The following CPT1C variants were observed in gnomAD, a reference collection of about 807,000 sequenced individuals.
The protein encoded by CPT1C is carnitine palmitoyltransferase 1C, also known as palmitoyl thioesterase CPT1C.
A neutral mutation model predicts 97.3 loss-of-function variants in CPT1C; 61 were observed. That is an observed-to-expected ratio of 0.63 (90% CI 0.51 to 0.78). CPT1C has a LOEUF of 0.78. CPT1C is among the 30% of genes least tolerant of loss of function. The pLI, the probability that CPT1C is intolerant of heterozygous loss-of-function variation, is 0.00. For synonymous variants in CPT1C, 469 were observed against 447.2 expected, an observed-to-expected ratio of 1.05 and a Z score of -0.61; for missense variants, 975 against 1,065.5, an observed-to-expected ratio of 0.92 and a Z score of 1.18.
upstream of CPT1C, chr19:49,691,102 A>G: frequency 6.6e-6 from 1 of 152,118 alleles, no homozygotes; most frequent in Admixed American, 6.6e-5. Context: ...AGGCGGGGAT[A>G]AAACCCGGGA....
chr19:49,702,007 A>AATATATTTATTTATGAATAAAT (rs2083138194), intron 7 of CPT1C, among the ~76,000 whole-genome samples: 1 of 42,218 alleles, frequency 2.4e-5, no homozygotes, highest in South Asian at 7.8e-4. Flanking sequence ...AAATATATTA[A>AATATATTTATTTATGAATAAAT]ATATATTTAT....
rs2123419601 is a variant in CPT1C at position 49,706,162 on chromosome 19, G to A, written c.1160+58G>A. On this transcript the variant is annotated intron_variant, in intron 11 of 19. Coordinates refer to ENST00000598293, the MANE Select transcript of CPT1C (RefSeq NM_001199753.2). The surrounding 1 kb of genome is among the most constrained non-coding windows in gnomAD (Gnocchi z 4.8). ...CAGAGGCCGCCAGTGTCCTGAGACTGTGGAAGGGCAGGGTGGGGCCAGGTG... is the reference window on the plus strand; with the variant it reads ...CAGAGGCCGCCAGTGTCCTGAGACTATGGAAGGGCAGGGTGGGGCCAGGTG... 6.4e-7 allele frequency: 1 copy of A among 1,565,944 alleles called. No individual in the cohort carries two copies. Among genetic ancestry groups the A allele is most frequent in the Admixed American group, 1.9e-5 (1 of 53,568 alleles).
At position 49,697,352 on chromosome 19, in the gene CPT1C, T is replaced by C. The variant is rs2082728584; in HGVS notation, c.168T>C (p.Pro56=). Residue 56 remains proline, a synonymous_variant, in exon 4 of 20, where the codon CCT becomes CCC. Coordinates refer to ENST00000598293, the MANE Select transcript of CPT1C (RefSeq NM_001199753.2). ...FWNDFLTGVF[P]ASPLSWLFLF... Reference sequence around the variant, plus strand: ...ATGACTTTCTCACCGGTGTGTTTCCTGCCAGCCCCCTCAGTTGGCTTTTCC... The same window carrying C: ...ATGACTTTCTCACCGGTGTGTTTCCCGCCAGCCCCCTCAGTTGGCTTTTCC... The C allele has an allele frequency of 1.2e-6, 2 of 1,614,160 alleles. No individual in the cohort carries two copies. The highest frequency in any genetic ancestry group is 2.2e-5 in the East Asian group (1 of 44,860).
Position 49,706,505 on chromosome 19 carries a change from G to A in CPT1C, c.1343+92G>A. On this transcript the variant is annotated intron_variant, in intron 12 of 19. Transcript: ENST00000598293. This position sits in a 1 kb window ranked among gnomAD's most constrained non-coding sequence, Gnocchi z 4.8. ...CCTGACAGTAGACAGCCAGACCCTG[G>A]AGCCCACACCTGCAGAGTCTGTAGA... 8.8e-7 allele frequency: 1 copy of A among 1,140,444 alleles called. No homozygotes were observed. Among genetic ancestry groups the A allele is most frequent in the Non-Finnish European group, 1.2e-6 (1 of 867,208 alleles). 70.6% of individuals were successfully genotyped at this position (1,140,444 alleles called of 1,614,324 possible).
At position 49,699,039 on chromosome 19, in the gene CPT1C, C is replaced by T. The variant is rs527840905; in HGVS notation, c.281+1574C>T. On this transcript the variant is annotated intron_variant, in intron 4 of 19. Coordinates refer to ENST00000598293, the MANE Select transcript of CPT1C (RefSeq NM_001199753.2). ...AATTGTTTGAACCTGGGAGGCGGAG[C>T]TTGCAGTGAGGCGAGATCACGCCAC... Among the ~76,000 whole-genome samples the T allele has an allele frequency of 4.6e-5, 7 of 151,548 alleles. No homozygotes were observed. In the South Asian group the frequency reaches 1.5e-3, roughly 32 times the overall value.
chr19:49,706,483 G>A lies in CPT1C; in HGVS notation c.1343+70G>A. 2 of 1,294,124 alleles carry A rather than the reference G, an allele frequency of 1.5e-6. No individual in the cohort carries two copies. Among genetic ancestry groups the A allele is most frequent in the Non-Finnish European group, 2.0e-6 (2 of 996,974 alleles). 80.2% of individuals were successfully genotyped at this position (1,294,124 alleles called of 1,614,324 possible). On this transcript the variant is annotated intron_variant, in intron 12 of 19. Coordinates refer to ENST00000598293, the MANE Select transcript of CPT1C (RefSeq NM_001199753.2). The surrounding 1 kb of genome is among the most constrained non-coding windows in gnomAD (Gnocchi z 4.8). ...ATCCAGTATCAGACCTAGGACCCCT[G>A]ACAGTAGACAGCCAGACCCTGGAGC...
chr19:49,697,204 T>G, intron 3 of CPT1C, 122 bp from the exon 4 acceptor site: 2 of 1,244,708 alleles, frequency 1.6e-6, no homozygotes, highest in Non-Finnish European at 2.3e-6. Flanking sequence ...TGTTCCCTAC[T>G]AGATCTTGAG....
Position 49,692,389 on chromosome 19 carries a change from T to C in CPT1C, c.137T>C (p.Phe46Ser). The C allele has an allele frequency of 6.2e-7, 1 of 1,614,138 alleles. No homozygotes were observed. Among genetic ancestry groups the C allele is most frequent in the South Asian group, 1.1e-5 (1 of 91,078 alleles). ...TCCTGGAAAAGGCATCTCTCACGTT[T>C]CTGGGTGAGGAGCGGTGCTGGTCGG... is the stretch of plus-strand genomic sequence containing the variant. Reference protein sequence around the residue: ...LRSWKRHLSRFWNDFLTGVFP... With the variant: ...LRSWKRHLSRSWNDFLTGVFP... Residue 46 changes from phenylalanine (F) to serine (S), a missense_variant, in exon 3 of 20, where the codon TTC becomes TCC. Physicochemically the swap from Phe to Ser is radical, Grantham distance 155. This residue lies in a region of CPT1C where 596 missense variants were observed against 603.1 expected (regional missense o/e 0.99). Transcript: ENST00000598293.
At position 49,705,941 on chromosome 19, in the gene CPT1C, G is replaced by C. The variant is rs759027864; in HGVS notation, c.997G>C (p.Val333Leu). ...CCGCCACCTCCATGACAGCCAACAC[G>C]TGGCTGTCTTCCACCGGGGCCGATT... ...YIRHLHDSQHVAVFHRGRFFR... is the reference protein window; with the variant it reads ...YIRHLHDSQHLAVFHRGRFFR... The change falls in exon 11 of 20, where the codon GTG (valine) becomes CTG (leucine). Residue 333 changes from valine to leucine, a missense_variant. Around this residue, in one of 3 missense-constraint regions of CPT1C, gnomAD observed 596 missense variants for 603.1 expected, o/e 0.99. Coordinates refer to ENST00000598293, the MANE Select transcript of CPT1C (RefSeq NM_001199753.2). The C allele has an allele frequency of 3.7e-6, 6 of 1,613,604 alleles. No homozygotes were observed. The African/African-American group carries it at 8.0e-5, about 22-fold the overall frequency.
Position 49,697,691 on chromosome 19 carries a change from C to T in CPT1C, c.281+226C>T, listed in dbSNP as rs147992864. On this transcript the variant is annotated intron_variant, in intron 4 of 19. Coordinates refer to ENST00000598293, the MANE Select transcript of CPT1C (RefSeq NM_001199753.2). ...CATTGGGAGGCTGAGGTGGGTGTATCGCTTGAGGTCAGGAGTTCGAGACCA... is the reference window on the plus strand; with the variant it reads ...CATTGGGAGGCTGAGGTGGGTGTATTGCTTGAGGTCAGGAGTTCGAGACCA... 626 of 446,912 alleles carry T rather than the reference C, an allele frequency of 1.4e-3. 14 individuals carry two copies. The East Asian group carries it at 0.026, about 19-fold the overall frequency. 27.7% of individuals were successfully genotyped at this position (446,912 alleles called of 1,614,324 possible). A position where few individuals can be genotyped will look rare whatever the true frequency, so the allele number is the denominator to read the frequency against.
chr19:49,703,595 C>CCCTT lies in CPT1C; in HGVS notation c.694-1093_694-1090dup, dbSNP rs1217261016. ...TCCCTCCCTCCCTCCCTCCCTCCCTCCCTTCCTTCCTTCCTTCCTTCCTTC... is the reference window on the plus strand; with the variant it reads ...TCCCTCCCTCCCTCCCTCCCTCCCTCCCTTCCTTCCTTCCTTCCTTCCTTCCTTC... On this transcript the variant is annotated intron_variant, in intron 7 of 19. Coordinates refer to ENST00000598293, the MANE Select transcript of CPT1C (RefSeq NM_001199753.2). Among the ~76,000 whole-genome samples, 600 of 75,720 alleles carry CCCTT rather than the reference C, an allele frequency of 7.9e-3. 9 individuals are homozygous for CCCTT. Among genetic ancestry groups the CCCTT allele is most frequent in the Middle Eastern group, 0.025 (3 of 122 alleles). The allele number at this position is 75,720 out of a possible 152,430, so 49.7% of individuals were successfully genotyped here.
chr19:49,712,005 T>C (rs778120826), intron 17 of CPT1C, 44 bp downstream of exon 17: 2 of 1,594,574 alleles, frequency 1.3e-6, no homozygotes, highest in Non-Finnish European at 8.6e-7. Flanking sequence ...TGGGAGACCA[T>C]GGAAGAAGGG....
chr19:49,695,117 G>A (rs2082590472), intron 3 of CPT1C, among the ~76,000 whole-genome samples: 1 of 151,818 alleles, frequency 6.6e-6, no homozygotes, highest in African/African-American at 2.4e-5. Flanking sequence ...CTCCAGCCTG[G>A]GCAACAAAGC....
chr19:49,712,160 T>A (rs2083925666), intron 17 of CPT1C, 199 bp downstream of exon 17: 1 of 606,112 alleles, frequency 1.6e-6, no homozygotes, highest in African/African-American at 1.9e-5. Context: ...CTGGCCAACT[T>A]GGCGAAACCC....
chr19:49,710,799 G>A lies in CPT1C; in HGVS notation c.1808G>A (p.Arg603Gln), dbSNP rs201154568. Reference sequence around the variant, plus strand: ...CTGGAAGGCCGGACGGAGACGGTGCGGTCTTGCACGAGGGAGGCCTGCAAC... The same window carrying A: ...CTGGAAGGCCGGACGGAGACGGTGCAGTCTTGCACGAGGGAGGCCTGCAAC... ...LFLEGRTETV[R>Q]SCTREACNFV... is the part of the protein sequence containing the mutation. Residue 603 changes from arginine to glutamine, a missense_variant, in exon 16 of 20, where the codon CGG becomes CAG. Physicochemically the swap from Arg to Gln is conservative, Grantham distance 43. Around this residue, in one of 3 missense-constraint regions of CPT1C, gnomAD observed 344 missense variants for 395.7 expected, o/e 0.87. Transcript: ENST00000598293. 1.4e-5 allele frequency: 23 copies of A among 1,613,890 alleles called. No individual in the cohort carries two copies. The highest frequency in any genetic ancestry group is 1.3e-4 in the African/African-American group (10 of 74,930).
chr19:49,695,584 CTTTTTT>C (rs71180646), intron 3 of CPT1C, among the ~76,000 whole-genome samples: 3 of 93,180 alleles, frequency 3.2e-5, no homozygotes, highest in African/African-American at 5.4e-5. Flanking sequence ...TGCACCTGGC[CTTTTTT>C]TTTTTTTTTT....
At chr19:49,705,700 C>T (rs1246578225) in intron 10 of CPT1C, among the ~76,000 whole-genome samples, 1 of 152,118 alleles carries the variant, frequency 6.6e-6, no homozygotes, top group African/African-American at 2.4e-5. Flanking sequence ...GTTGAGGCTG[C>T]AGTGAGCTGA....
intron 14 of CPT1C, among the ~76,000 whole-genome samples, chr19:49,709,617 C>T (rs539469095): frequency 2.7e-5 from 4 of 150,380 alleles, no homozygotes; most frequent in South Asian, 2.1e-4. Context: ...TGCAATGACA[C>T]GATCTCAGTT....
chr19:49,699,368 T>C lies in CPT1C; in HGVS notation c.282-1316T>C, dbSNP rs144630507. Among the ~76,000 whole-genome samples the C allele has an allele frequency of 5.2e-3, 720 of 139,140 alleles. 5 individuals are homozygous for C. Among genetic ancestry groups the C allele is most frequent in the African/African-American group, 0.018 (685 of 37,370 alleles). The allele number at this position is 139,140 out of a possible 152,430, so 91.3% of individuals were successfully genotyped here. On this transcript the variant is annotated intron_variant, in intron 4 of 19. Transcript: ENST00000598293. Reference sequence around the variant, plus strand: ...GGAGGCCGGGCACAGTGGCTCACACTTGTAATCCCAGCACTTCGGAGGGCT... The same window carrying C: ...GGAGGCCGGGCACAGTGGCTCACACCTGTAATCCCAGCACTTCGGAGGGCT...
Sources: allele counts gnomAD v4.1 joint callset (sites outside exome capture counted in the v4.1 genomes callset), GRCh38; gene constraint gnomAD v4.1.1; regional missense constraint gnomAD v4.1.1; non-coding constraint Gnocchi (gnomAD v3.1); transcripts MANE v1.5; gene names NCBI Gene and HGNC (gene_info 2026-07-23, HGNC 2026-07-21).